Variants in FTO observed in about 807,000 individuals in gnomAD.
FTO encodes the protein FTO alpha-ketoglutarate dependent dioxygenase, also known as alpha-ketoglutarate-dependent dioxygenase FTO.
In FTO, 47 loss-of-function variants were observed where a neutral mutation model predicts 63.9. The ratio of observed to expected loss-of-function variants is 0.74; its 90% CI spans 0.58 to 0.94. FTO has a LOEUF of 0.94. Ranked by LOEUF, FTO falls within the 40% of genes least tolerant of loss-of-function variation. The pLI, the probability that FTO is intolerant of heterozygous loss-of-function variation, is 0.00. For missense variants in FTO, 562 were observed against 618.1 expected, an observed-to-expected ratio of 0.91 and a Z score of 0.96; for synonymous variants, 207 against 224.4, an observed-to-expected ratio of 0.92 and a Z score of 0.69.
chr16:53,862,039 C>T lies in FTO; in HGVS notation c.896-11747C>T, dbSNP rs140107758. On this transcript the variant is annotated intron_variant, in intron 4 of 8. Transcript: ENST00000471389. ...GGTCGAGGTGGGCAGATCAGGAGGT[C>T]AGGATTTCAAGACCAGCCTGGCCAA... Among the ~76,000 whole-genome samples, 70 of 152,256 alleles carry T rather than the reference C, an allele frequency of 4.6e-4. No individual in the cohort carries two copies. The East Asian group carries it at 0.012, about 27-fold the overall frequency.
chr16:53,921,446 C>T (rs2082005095), intron 7 of FTO, among the ~76,000 whole-genome samples: 1 of 152,182 alleles, frequency 6.6e-6, no homozygotes, highest in Admixed American at 6.5e-5. Flanking sequence ...TTATTTCGTA[C>T]TTGGTATAGT....
intron 1 of FTO, among the ~76,000 whole-genome samples, chr16:53,763,935 A>T (rs1039668464): frequency 1.3e-5 from 2 of 152,192 alleles, no homozygotes; most frequent in African/African-American, 4.8e-5. Flanking sequence ...CCCTGGAAAG[A>T]ATCGGGATTT....
chr16:53,971,731 C>T (rs79116501), intron 8 of FTO, among the ~76,000 whole-genome samples: 5,394 of 152,300 alleles, frequency 0.035, 284 homozygotes, highest in African/African-American at 0.12. Context: ...TGTGTTAACT[C>T]GGAGTTGGGC....
intron 8 of FTO, among the ~76,000 whole-genome samples, chr16:53,984,706 A>T (rs1216656271): frequency 6.6e-6 from 1 of 152,158 alleles, no homozygotes; most frequent in Non-Finnish European, 1.5e-5. Context: ...TCAACTGAAG[A>T]TGGTGTCCCT....
rs2082020300 is a variant in FTO, at chr16:53,922,103, T to G, written c.1240-11882T>G. 3.3e-5 allele frequency among the ~76,000 whole-genome samples: 5 copies of G among 152,346 alleles called. No homozygotes were observed. The South Asian group carries it at 1.0e-3, about 32-fold the overall frequency. On this transcript the variant is annotated intron_variant, in intron 7 of 8. Coordinates refer to ENST00000471389, the MANE Select transcript of FTO (RefSeq NM_001080432.3). Reference sequence around the variant, plus strand: ...AAAATAAAAACAGTTTTATCGATGATGGTCAACAACAACAATTTTCTTGTC... The same window carrying G: ...AAAATAAAAACAGTTTTATCGATGAGGGTCAACAACAACAATTTTCTTGTC...
intron 7 of FTO, among the ~76,000 whole-genome samples, chr16:53,926,094 C>T (rs2082131772): frequency 6.6e-6 from 1 of 152,118 alleles, no homozygotes; most frequent in African/African-American, 2.4e-5. Context: ...GTTTTCTCTA[C>T]TGAAATGGAG....
At chr16:53,931,572 T>C (rs1167937387) in intron 7 of FTO, among the ~76,000 whole-genome samples, 2 of 152,106 alleles carry the variant, frequency 1.3e-5, no homozygotes, top group Admixed American at 6.5e-5. Flanking sequence ...TGTCCTAAAG[T>C]GCTGGGATTA....
At chr16:53,831,077 G>A (rs2079130559) in intron 3 of FTO, among the ~76,000 whole-genome samples, 1 of 152,110 alleles carries the variant, frequency 6.6e-6, no homozygotes, top group Non-Finnish European at 1.5e-5. Flanking sequence ...ATCCCCTTAA[G>A]GATGGAAATT....
chr16:53,762,061 A>G (rs777762991), intron 1 of FTO, among the ~76,000 whole-genome samples: 2 of 152,218 alleles, frequency 1.3e-5, no homozygotes, highest in Non-Finnish European at 2.9e-5. Context: ...ATGTTCTATT[A>G]TATTTAGAAA....
Position 53,837,594 on chromosome 16 carries a change from G to A in FTO, c.752-6561G>A, listed in dbSNP as rs1050544969. Among the ~76,000 whole-genome samples the A allele has an allele frequency of 2.0e-5, 3 of 152,106 alleles. No homozygotes were observed. In the East Asian group the frequency reaches 5.8e-4, roughly 29 times the overall value. The stretch of plus-strand genomic sequence containing the variant: ...GCTCCGTGGCTGAGAAGGAGTATGT[G>A]CTGTGTCAGCAGCAAGCTTTTCTTG... On this transcript the variant is annotated intron_variant, in intron 3 of 8. Coordinates refer to ENST00000471389, the MANE Select transcript of FTO (RefSeq NM_001080432.3).
chr16:53,889,538 G>A (rs1331184791), intron 7 of FTO, among the ~76,000 whole-genome samples: 4 of 152,310 alleles, frequency 2.6e-5, no homozygotes, highest in African/African-American at 9.6e-5. Context: ...GGTAATAGAT[G>A]TGAAACGTTA....
chr16:53,867,525 G>GTT (rs1567377670), intron 4 of FTO, among the ~76,000 whole-genome samples: 5 of 151,356 alleles, frequency 3.3e-5, no homozygotes, highest in African/African-American at 1.2e-4. Context: ...GTGTGTGTGT[G>GTT]TGTTTGTGTG....
Position 53,888,828 on chromosome 16 carries a change from A to T in FTO, c.1120-4A>T, listed in dbSNP as rs952570998. ...AACCACCATCTTCTCTTTATGGTCC[A>T]CAGGTCGAGTTTGAGTGGCTGAGGC... On this transcript the variant is annotated splice_polypyrimidine_tract_variant and splice_region_variant and intron_variant, in intron 6 of 8. Coordinates refer to ENST00000471389, the MANE Select transcript of FTO (RefSeq NM_001080432.3). The T allele has an allele frequency of 5.6e-6, 9 of 1,613,932 alleles. No individual in the cohort carries two copies. The highest frequency in any genetic ancestry group is 2.2e-5 in the South Asian group (2 of 91,080).
chr16:53,888,176 T>C (rs1373685082), intron 6 of FTO, among the ~76,000 whole-genome samples: 6 of 151,994 alleles, frequency 3.9e-5, no homozygotes. Flanking sequence ...CTGGGTTGTG[T>C]AAGAGAATTT....
chr16:53,739,274 C>T lies in FTO; in HGVS notation c.45+35045C>T, dbSNP rs149235214. Among the ~76,000 whole-genome samples, 1,173 of 152,120 alleles carry T rather than the reference C, an allele frequency of 7.7e-3. 8 individuals carry two copies. Among genetic ancestry groups the T allele is most frequent in the Non-Finnish European group, 0.013 (858 of 68,014 alleles). On this transcript the variant is annotated intron_variant, in intron 1 of 8. Transcript: ENST00000471389. The stretch of plus-strand genomic sequence containing the variant: ...AGGCTGGAGTGCAATGGCACGATGT[C>T]GGCTCACTGCAAGCTCTGCCTCCTG...
chr16:54,032,004 T>G (rs79969877), intron 8 of FTO, among the ~76,000 whole-genome samples: 1,871 of 152,268 alleles, frequency 0.012, 27 homozygotes, highest in African/African-American at 0.043. Flanking sequence ...TCAGGAAACT[T>G]AGACCAATAT....
At chr16:54,104,870 G>GT (rs2086714282) in intron 8 of FTO, among the ~76,000 whole-genome samples, 1 of 152,178 alleles carries the variant, frequency 6.6e-6, no homozygotes, top group Non-Finnish European at 1.5e-5. Context: ...ATTTGCGAGC[G>GT]TTACAAGCCC....
chr16:53,845,051 T>C (rs1048519478), intron 4 of FTO, among the ~76,000 whole-genome samples: 3 of 152,186 alleles, frequency 2.0e-5, no homozygotes, highest in African/African-American at 4.8e-5. Context: ...ACTGAAGCTG[T>C]GGAGTTTGTG....
At chr16:53,902,589 G>C (rs1277050560) in intron 7 of FTO, among the ~76,000 whole-genome samples, 2 of 152,124 alleles carry the variant, frequency 1.3e-5, no homozygotes, top group Admixed American at 1.3e-4. Flanking sequence ...CTCTGGTGTT[G>C]AGATGGACAC....
Sources: gnomAD v4.1 joint callset for allele counts (sites outside exome capture counted in the v4.1 genomes callset) on GRCh38, gnomAD v4.1.1 for gene constraint, MANE v1.5 for transcripts, NCBI Gene and HGNC (gene_info 2026-07-23, HGNC 2026-07-21) for gene names.